The following HERC2 variants were observed in gnomAD, a reference collection of about 807,000 sequenced individuals.
HERC2 encodes the protein HECT and RLD domain containing E3 ubiquitin protein ligase 2.
Under a neutral mutation model 537.7 loss-of-function variants are expected in HERC2, and 102 were observed. The observed-to-expected ratio is 0.19, with a 90% CI of 0.16 to 0.22. The LOEUF (loss-of-function observed/expected upper bound fraction) is 0.22, where lower values mean the gene tolerates loss of function less well. Among genes scored for constraint, HERC2 ranks in the 10% least tolerant of loss-of-function variants. The pLI, the probability that HERC2 is intolerant of heterozygous loss-of-function variation, is 1.00. For synonymous variants in HERC2, 2,224 were observed against 2,466.2 expected, an observed-to-expected ratio of 0.90 and a Z score of 2.91; for missense variants, 4,236 against 6,198.2, an observed-to-expected ratio of 0.68 and a Z score of 10.63.
intron 83 of HERC2, among the ~76,000 whole-genome samples, chr15:28,126,628 G>T (rs1040427636): frequency 5.9e-5 from 9 of 152,274 alleles, no homozygotes; most frequent in African/African-American, 2.2e-4. Context: ...AGTAACTCAG[G>T]AACGGAAAAC....
rs939854181 is a variant in HERC2, at chr15:28,257,228, T to G, written c.2350A>C (p.Ile784Leu). ...ACCACAAAAGGGACACGGAGGCCAA[T>G]GGACCACTCAGAACATGATGACCAA... ...FAWSSCSEWS[I>L]GLRVPFVVDI... Residue 784 changes from isoleucine (I) to leucine (L), a missense_variant, in exon 17 of 93, where the codon ATT becomes CTT. This residue lies in a region of HERC2 where 754 missense variants were observed against 1,085.0 expected (regional missense o/e 0.69). Transcript: ENST00000261609. 1.2e-6 allele frequency: 2 copies of G among 1,613,828 alleles called. No homozygotes were observed. The highest frequency in any genetic ancestry group is 1.7e-6 in the Non-Finnish European group (2 of 1,179,862).
At chr15:28,130,474 T>C (rs1889992876) in intron 82 of HERC2, 29 bp downstream of exon 82, 8 of 1,606,186 alleles carry the variant, frequency 5.0e-6, no homozygotes, top group Admixed American at 1.7e-5. Context: ...CTGGTTTTAG[T>C]GGGTTTAAAC....
At position 28,212,939 on chromosome 15, in the gene HERC2, C is replaced by T. The variant is rs528637315; in HGVS notation, c.6787-356G>A. ...ATAGAAAATATAGTCAGGCCAGGCA[C>T]GGTGGCTCACGCCTGTAATCCCAGC... On this transcript the variant is annotated intron_variant, in intron 42 of 92. Coordinates refer to ENST00000261609, the MANE Select transcript of HERC2 (RefSeq NM_004667.6). 9.5e-5 allele frequency: 26 copies of T among 272,314 alleles called. No individual in the cohort carries two copies. The South Asian group carries it at 2.8e-3, about 30-fold the overall frequency. 16.9% of individuals were successfully genotyped at this position (272,314 alleles called of 1,614,324 possible).
At chr15:28,281,625 G>A (rs946277988) in intron 4 of HERC2, among the ~76,000 whole-genome samples, 7 of 152,206 alleles carry the variant, frequency 4.6e-5, no homozygotes, top group African/African-American at 1.4e-4. Context: ...ACAGGGTGGC[G>A]CACACTGTGC....
rs1033225144 is a variant in HERC2, at chr15:28,229,453, G to C, written c.5120+7C>G. ...TTAATTAAGAAAAAAATATGCTAAC[G>C]TTTTACCCTATATCGATTCCCTCAG... On this transcript the variant is annotated splice_region_variant and intron_variant, in intron 33 of 92. Transcript: ENST00000261609. 2.5e-6 allele frequency: 4 copies of C among 1,613,424 alleles called. No homozygotes were observed. Among genetic ancestry groups the C allele is most frequent in the African/African-American group, 1.3e-5 (1 of 74,896 alleles).
intron 35 of HERC2, among the ~76,000 whole-genome samples, chr15:28,224,731 T>C (rs1156308929): frequency 6.6e-6 from 1 of 151,984 alleles, no homozygotes; most frequent in Non-Finnish European, 1.5e-5. Flanking sequence ...CACAGAACAC[T>C]CTCTTAGACT....
chr15:28,224,460 G>A (rs975284446), intron 35 of HERC2, among the ~76,000 whole-genome samples: 1 of 152,046 alleles, frequency 6.6e-6, no homozygotes, highest in Non-Finnish European at 1.5e-5. Context: ...GAGCTCAAGC[G>A]ACCCACCCGC....
rs1386644294 is a variant in HERC2 at position 28,122,527 on chromosome 15, C to T, written c.13189-1098G>A. Among the ~76,000 whole-genome samples the T allele has an allele frequency of 2.0e-5, 3 of 152,300 alleles. No individual in the cohort carries two copies. Among genetic ancestry groups the T allele is most frequent in the Admixed American group, 6.5e-5 (1 of 15,308 alleles). ...GGCGGCACCCCAGCCCCATGCCTCT[C>T]GCACAGCCCAGACTCATCCTGCTCC... On this transcript the variant is annotated intron_variant, in intron 85 of 92. Coordinates refer to ENST00000261609, the MANE Select transcript of HERC2 (RefSeq NM_004667.6). This position sits in a 1 kb window ranked among gnomAD's most constrained non-coding sequence, Gnocchi z 4.1.
In HERC2 at chr15:28,270,886, A is replaced by G; in HGVS notation, c.1084-18T>C. 6.2e-7 allele frequency: 1 copy of G among 1,609,184 alleles called. No homozygotes were observed. Among genetic ancestry groups the G allele is most frequent in the Non-Finnish European group, 8.5e-7 (1 of 1,177,640 alleles). ...GACAAAAGCTAGAAAGGAAAAGTAAACAAAAATTCAGAAATGGTGGGAAAA... is the reference window on the plus strand; with the variant it reads ...GACAAAAGCTAGAAAGGAAAAGTAAGCAAAAATTCAGAAATGGTGGGAAAA... On this transcript the variant is annotated intron_variant, in intron 9 of 92. Coordinates refer to ENST00000261609, the MANE Select transcript of HERC2 (RefSeq NM_004667.6).
intron 20 of HERC2, among the ~76,000 whole-genome samples, chr15:28,252,216 A>G (rs1385707368): frequency 6.6e-6 from 1 of 152,160 alleles, no homozygotes. Flanking sequence ...GTGTAGCCAG[A>G]CGGGCCAGCG....
At chr15:28,199,184 A>G (rs1897654663) in intron 48 of HERC2, among the ~76,000 whole-genome samples, 1 of 152,118 alleles carries the variant, frequency 6.6e-6, no homozygotes, top group Non-Finnish European at 1.5e-5. Context: ...CCCAGAGTGC[A>G]TTCTAAGTAT....
chr15:28,207,513 G>A (rs1191210633), intron 44 of HERC2, among the ~76,000 whole-genome samples: 1 of 152,158 alleles, frequency 6.6e-6, no homozygotes, highest in African/African-American at 2.4e-5. Context: ...ATTTCTAGCT[G>A]TAGCTTTTCC....
At chr15:28,304,165 C>CA (rs779514776) in intron 2 of HERC2, among the ~76,000 whole-genome samples, 2,875 of 63,856 alleles carry the variant, frequency 0.045, 335 homozygotes, top group African/African-American at 0.13. Flanking sequence ...GACTCCATCT[C>CA]AAAAAAAAAA....
At position 28,220,511 on chromosome 15, in the gene HERC2, G is replaced by T; in HGVS notation, c.5786C>A (p.Ala1929Glu). 1 of 1,603,202 alleles carries T rather than the reference G, an allele frequency of 6.2e-7. No individual in the cohort carries two copies. Residue 1929 changes from alanine (A) to glutamate (E), a missense_variant, in exon 37 of 93, where the codon GCA (alanine) becomes GAA (glutamate). By Grantham distance (107) the Ala-to-Glu change is moderately radical. Around this residue, in one of 27 missense-constraint regions of HERC2, gnomAD observed 365 missense variants for 468.8 expected, o/e 0.78. Coordinates refer to ENST00000261609, the MANE Select transcript of HERC2 (RefSeq NM_004667.6). ...GKEGKYDLKL[A>E]ELPAAAQPSA... ...GGGCTGTGCAGCAGCCGGCAGCTCT[G>T]CCAGCTTGAGGTCGTATTTTCCTTC...
At chr15:28,167,558 G>T in intron 68 of HERC2, 129 bp downstream of exon 68, 1 of 1,092,650 alleles carries the variant, frequency 9.2e-7, no homozygotes, top group Non-Finnish European at 1.3e-6. Flanking sequence ...CTTCGAAGAT[G>T]CTAACAAGTG....
intron 78 of HERC2, among the ~76,000 whole-genome samples, chr15:28,140,515 C>T (rs1021768505): frequency 2.0e-5 from 3 of 152,096 alleles, no homozygotes; most frequent in African/African-American, 7.2e-5. Flanking sequence ...TTCTATATAT[C>T]AGTGGCAATC....
At chr15:28,279,651 A>ACACACACACACACACAC (rs2075971136) in intron 5 of HERC2, among the ~76,000 whole-genome samples, 6 of 150,946 alleles carry the variant, frequency 4.0e-5, no homozygotes, top group African/African-American at 1.2e-4. Context: ...ACACACACAC[A>ACACACACACACACACAC]AATTGTTTTT....
chr15:28,124,870 G>T lies in HERC2; in HGVS notation c.12990+136C>A. ...CAGCCAAATATCAAGGTTCTTAAATGCACTGTGTGGTTAACATTTACTGAG... is the reference window on the plus strand; with the variant it reads ...CAGCCAAATATCAAGGTTCTTAAATTCACTGTGTGGTTAACATTTACTGAG... On this transcript the variant is annotated intron_variant, in intron 84 of 92. Transcript: ENST00000261609. 2.2e-6 allele frequency: 2 copies of T among 905,766 alleles called. No homozygotes were observed. The highest frequency in any genetic ancestry group is 1.6e-6 in the Non-Finnish European group (1 of 613,452). The allele number at this position is 905,766 out of a possible 1,614,324, so 56.1% of individuals were successfully genotyped here.
In HERC2 at chr15:28,236,272, A is replaced by G. The variant is rs2346099; in HGVS notation, c.4003+691T>C. Among the ~76,000 whole-genome samples the G allele has an allele frequency of 8.3e-4, 126 of 151,382 alleles. 1 individual carries two copies. The highest frequency in any genetic ancestry group is 4.3e-3 in the East Asian group (21 of 4,828). ...CACTATCCTTATTATTATTATTTTT[A>G]TCATCATCAGCTGTGTTGAATCCGC... On this transcript the variant is annotated intron_variant, in intron 26 of 92. Transcript: ENST00000261609.
Sources: gnomAD v4.1 joint callset for allele counts (sites outside exome capture counted in the v4.1 genomes callset) on GRCh38, gnomAD v4.1.1 for gene constraint, gnomAD v4.1.1 regional missense constraint, Gnocchi (gnomAD v3.1) non-coding constraint, MANE v1.5 for transcripts, NCBI Gene and HGNC (gene_info 2026-07-23, HGNC 2026-07-21) for gene names.